Variants in ADAMTS2 observed in about 807,000 individuals in gnomAD.
ADAMTS2 encodes the protein ADAM metallopeptidase with thrombospondin type 1 motif 2, also known as A disintegrin and metalloproteinase with thrombospondin motifs 2.
Under a neutral mutation model 123.0 loss-of-function variants are expected in ADAMTS2, and 50 were observed. The observed-to-expected ratio is 0.41, with a 90% CI of 0.32 to 0.51. The LOEUF (loss-of-function observed/expected upper bound fraction) is 0.51, where lower values mean the gene tolerates loss of function less well. ADAMTS2 is among the 20% of genes least tolerant of loss of function. The pLI is 0.35. For synonymous variants in ADAMTS2, 678 were observed against 695.4 expected, an observed-to-expected ratio of 0.98 and a Z score of 0.39; for missense variants, 1,494 against 1,705.2, an observed-to-expected ratio of 0.88 and a Z score of 2.18.
At chr5:179,210,076 A>C (rs1764815151) in intron 3 of ADAMTS2, among the ~76,000 whole-genome samples, 1 of 152,218 alleles carries the variant, frequency 6.6e-6, no homozygotes. Context: ...TAGAACATCC[A>C]GCTTCTCTTG....
intron 3 of ADAMTS2, among the ~76,000 whole-genome samples, chr5:179,271,785 T>G (rs769902675): frequency 6.6e-6 from 1 of 152,172 alleles, no homozygotes; most frequent in Non-Finnish European, 1.5e-5. Context: ...TTTCATGAAA[T>G]TAGAAGTATG....
chr5:179,344,941 G>C (rs1314360414), intron 1 of ADAMTS2, among the ~76,000 whole-genome samples: 1 of 152,036 alleles, frequency 6.6e-6, no homozygotes, highest in African/African-American at 2.4e-5. Context: ...CCGGCCCTCC[G>C]TCCCCACCCT....
At position 179,344,020 on chromosome 5, in the gene ADAMTS2, G is replaced by A. The variant is rs1757861343; in HGVS notation, c.281C>T (p.Thr94Ile). The change falls in exon 2 of 22, where the codon ACC (threonine) becomes ATC (isoleucine). Residue 94 changes from threonine (T) to isoleucine (I), a missense_variant. Physicochemically the swap from Thr to Ile is moderately conservative, Grantham distance 89. Transcript: ENST00000251582. ...CTCGTTGCCTCCGGGGAAGCTCGGG[G>A]TCCGGACCGGGGCGGCCCTGCGGGC... ...VRARRAAPVR[T>I]PSFPGGNEEE... The A allele has an allele frequency of 6.2e-7, 1 of 1,612,690 alleles. No individual in the cohort carries two copies. Among genetic ancestry groups the A allele is most frequent in the African/African-American group, 1.3e-5 (1 of 75,062 alleles).
chr5:179,154,238 C>T (rs772294106), intron 7 of ADAMTS2, 46 bp from the exon 8 acceptor site: 3 of 1,535,992 alleles, frequency 2.0e-6, no homozygotes, highest in South Asian at 2.4e-5. Context: ...GCACACGGGT[C>T]TGCCAGTCCC....
chr5:179,170,405 G>C lies in ADAMTS2; in HGVS notation c.975+10667C>G, dbSNP rs950863003. Among the ~76,000 whole-genome samples the C allele has an allele frequency of 6.6e-6, 1 of 152,112 alleles. No homozygotes were observed. Among genetic ancestry groups the C allele is most frequent in the African/African-American group, 2.4e-5 (1 of 41,424 alleles). ...CAGAGTCTGTCCCCACCGTGGGGGGGACAGCTCAGCCCCCTCCTGACTGCC... is the reference window on the plus strand; with the variant it reads ...CAGAGTCTGTCCCCACCGTGGGGGGCACAGCTCAGCCCCCTCCTGACTGCC... On this transcript the variant is annotated intron_variant, in intron 5 of 21. Coordinates refer to ENST00000251582, the MANE Select transcript of ADAMTS2 (RefSeq NM_014244.5). This position sits in a 1 kb window ranked among gnomAD's most constrained non-coding sequence, Gnocchi z 4.3.
In ADAMTS2 at chr5:179,202,371, T is replaced by C. The variant is rs1764588243; in HGVS notation, c.891+5142A>G. Among the ~76,000 whole-genome samples, 1 of 150,788 alleles carries C rather than the reference T, an allele frequency of 6.6e-6. No homozygotes were observed. Among genetic ancestry groups the C allele is most frequent in the African/African-American group, 2.4e-5 (1 of 41,042 alleles). On this transcript the variant is annotated intron_variant, in intron 4 of 21. Transcript: ENST00000251582. The surrounding 1 kb of genome is among the most constrained non-coding windows in gnomAD (Gnocchi z 4.0). ...TTGTCGTGAGCCTCTGCTCCCGTGA[T>C]ATCTCCAGTGCACCAGCCCCTGAGC...
At chr5:179,176,764 GC>G (rs1763939414) in intron 5 of ADAMTS2, among the ~76,000 whole-genome samples, 1 of 152,240 alleles carries the variant, frequency 6.6e-6, no homozygotes, top group Non-Finnish European at 1.5e-5. Flanking sequence ...TCATGGGCAA[GC>G]CAAACCCCTT....
rs1763788909 is a variant in ADAMTS2, at chr5:179,170,310, G to A, written c.975+10762C>T. ...AGCTGGTCTATTTCTGTCACAATTT[G>A]GGATGAATAACAGGAACCGAGTATC... On this transcript the variant is annotated intron_variant, in intron 5 of 21. Coordinates refer to ENST00000251582, the MANE Select transcript of ADAMTS2 (RefSeq NM_014244.5). This position sits in a 1 kb window ranked among gnomAD's most constrained non-coding sequence, Gnocchi z 4.3. Among the ~76,000 whole-genome samples, 1 of 152,034 alleles carries A rather than the reference G, an allele frequency of 6.6e-6. No individual in the cohort carries two copies. The highest frequency in any genetic ancestry group is 2.1e-4 in the South Asian group (1 of 4,820).
Position 179,345,401 on chromosome 5 carries a change from A to T in ADAMTS2, c.-73T>A, listed in dbSNP as rs1020098538. 11 of 1,042,990 alleles carry T rather than the reference A, an allele frequency of 1.1e-5. No homozygotes were observed. The highest frequency in any genetic ancestry group is 1.3e-5 in the Non-Finnish European group (11 of 867,140). 64.6% of individuals were successfully genotyped at this position (1,042,990 alleles called of 1,614,324 possible). A position where few individuals can be genotyped will look rare whatever the true frequency, so the allele number is the denominator to read the frequency against. On this transcript the variant is annotated 5_prime_UTR_variant, in exon 1 of 22. An upstream start codon of the reference 5' UTR is lost. Coordinates refer to ENST00000251582, the MANE Select transcript of ADAMTS2 (RefSeq NM_014244.5). The surrounding 1 kb of genome is among the most constrained non-coding windows in gnomAD (Gnocchi z 7.5). ...GTTCCCCGCGAGCCGCCCAGCCCACATCTGGGGGCAGCTGGAGCCGCCCGC... is the reference window on the plus strand; with the variant it reads ...GTTCCCCGCGAGCCGCCCAGCCCACTTCTGGGGGCAGCTGGAGCCGCCCGC...
chr5:179,333,123 G>A (rs1173126662), intron 2 of ADAMTS2, among the ~76,000 whole-genome samples: 1 of 152,176 alleles, frequency 6.6e-6, no homozygotes, highest in Non-Finnish European at 1.5e-5. Context: ...AGCCGACACC[G>A]CTGTGGCAGC....
rs138237021 is a variant in ADAMTS2 at position 179,155,977 on chromosome 5, G to C, written c.1133-1058C>G. Among the ~76,000 whole-genome samples the C allele has an allele frequency of 2.6e-5, 4 of 152,074 alleles. No individual in the cohort carries two copies. In the South Asian group the frequency reaches 8.3e-4, roughly 32 times the overall value. On this transcript the variant is annotated intron_variant, in intron 6 of 21. Coordinates refer to ENST00000251582, the MANE Select transcript of ADAMTS2 (RefSeq NM_014244.5). The surrounding 1 kb of genome is among the most constrained non-coding windows in gnomAD (Gnocchi z 5.1). ...CGTGATCTAACCCTTGTCTTTTCCC[G>C]TTGTAATAAACAGGAAAATCTGCAT...
intron 10 of ADAMTS2, among the ~76,000 whole-genome samples, chr5:179,141,521 T>C (rs552947224): frequency 1.2e-4 from 18 of 152,280 alleles, no homozygotes; most frequent in African/African-American, 4.3e-4. Flanking sequence ...ATTTAAAGTC[T>C]CTGGAAATTG....
intron 5 of ADAMTS2, among the ~76,000 whole-genome samples, chr5:179,171,212 T>G (rs1156506407): frequency 6.6e-6 from 1 of 152,184 alleles, no homozygotes; most frequent in East Asian, 1.9e-4. Context: ...TCTTTGGCAT[T>G]GAGGTGCACT....
At chr5:179,186,382 C>T (rs1213596071) in intron 4 of ADAMTS2, among the ~76,000 whole-genome samples, 1 of 152,194 alleles carries the variant, frequency 6.6e-6, no homozygotes, top group Non-Finnish European at 1.5e-5. Flanking sequence ...TATGATACAT[C>T]AGGAACAGAC....
intron 3 of ADAMTS2, among the ~76,000 whole-genome samples, chr5:179,250,849 G>C (rs779550126): frequency 6.6e-6 from 1 of 152,244 alleles, no homozygotes; most frequent in Non-Finnish European, 1.5e-5. Flanking sequence ...GCCTCGGCTT[G>C]TCTTCTGACA....
chr5:179,129,387 T>C lies in ADAMTS2; in HGVS notation c.2457+545A>G, dbSNP rs1189792940. Among the ~76,000 whole-genome samples the C allele has an allele frequency of 6.6e-6, 1 of 152,208 alleles. No individual in the cohort carries two copies. Among genetic ancestry groups the C allele is most frequent in the Non-Finnish European group, 1.5e-5 (1 of 68,046 alleles). ...GCCTTATTTGTGATATGTACCTTTT[T>C]TGACAAATAAAATATATCCCTATGC... is the stretch of plus-strand genomic sequence containing the variant. On this transcript the variant is annotated intron_variant, in intron 16 of 21. Transcript: ENST00000251582. The surrounding 1 kb of genome is among the most constrained non-coding windows in gnomAD (Gnocchi z 4.1).
intron 2 of ADAMTS2, among the ~76,000 whole-genome samples, chr5:179,330,095 C>T (rs1469418960): frequency 1.4e-5 from 2 of 145,982 alleles, no homozygotes; most frequent in African/African-American, 5.0e-5. Context: ...CACTGCAGTC[C>T]GCAGTCCGGC....
chr5:179,316,347 A>T (rs80123113), intron 2 of ADAMTS2, among the ~76,000 whole-genome samples: 2 of 152,326 alleles, frequency 1.3e-5, no homozygotes, highest in South Asian at 2.1e-4. Flanking sequence ...AGCAGCAGAG[A>T]TCTAGCAACC....
At chr5:179,267,380 G>A (rs1203297951) in intron 3 of ADAMTS2, among the ~76,000 whole-genome samples, 1 of 152,212 alleles carries the variant, frequency 6.6e-6, no homozygotes, top group Non-Finnish European at 1.5e-5. Flanking sequence ...GGCGTGCCTC[G>A]TCTGCCCGTC....
Sources: gnomAD v4.1 joint callset for allele counts (sites outside exome capture counted in the v4.1 genomes callset) on GRCh38, gnomAD v4.1.1 for gene constraint, Gnocchi (gnomAD v3.1) non-coding constraint, MANE v1.5 for transcripts, NCBI Gene and HGNC (gene_info 2026-07-23, HGNC 2026-07-21) for gene names.